The following ARL13B variants were observed in gnomAD, a reference collection of about 807,000 sequenced individuals.
The protein encoded by ARL13B is ARF like GTPase 13B.
In ARL13B, 36 loss-of-function variants were observed where a neutral mutation model predicts 56.1. That is an observed-to-expected ratio of 0.64 (90% CI 0.49 to 0.85). The LOEUF is 0.85. ARL13B is among the 40% of genes least tolerant of loss of function. The probability of loss-of-function intolerance (pLI) is 0.00; values close to 1 mark genes in which losing one functional copy is unlikely to be tolerated. For synonymous variants in ARL13B, 178 were observed against 171.1 expected, an observed-to-expected ratio of 1.04 and a Z score of -0.32; for missense variants, 519 against 507.1, an observed-to-expected ratio of 1.02 and a Z score of -0.23.
rs534364224 is a variant in ARL13B, at chr3:94,040,890, C to G, written c.798+902C>G. 2.4e-4 allele frequency among the ~76,000 whole-genome samples: 37 copies of G among 152,128 alleles called. No homozygotes were observed. In the South Asian group the frequency reaches 6.4e-3, roughly 26 times the overall value. On this transcript the variant is annotated intron_variant, in intron 6 of 9. Coordinates refer to ENST00000394222, the MANE Select transcript of ARL13B (RefSeq NM_001174150.2). ...CCATGGGTATAAATTGTGTAGAAGG[C>G]TCTAGTGCTTCTCCCAGCACCGTAT...
intron 2 of ARL13B, among the ~76,000 whole-genome samples, chr3:93,998,449 C>T (rs926385150): frequency 3.9e-5 from 6 of 152,096 alleles, no homozygotes; most frequent in African/African-American, 1.4e-4. Flanking sequence ...TCTTTTTGTC[C>T]TTCATCCCAT....
intron 7 of ARL13B, chr3:94,047,975 C>T (rs973865213): frequency 6.6e-5 from 10 of 151,224 alleles, no homozygotes; most frequent in African/African-American, 2.2e-4. Context: ...ACAGATAATT[C>T]CCATTTAGAA....
intron 3 of ARL13B, among the ~76,000 whole-genome samples, chr3:94,034,356 T>C (rs1304385601): frequency 2.1e-4 from 32 of 152,144 alleles, no homozygotes; most frequent in Admixed American, 2.0e-3. Flanking sequence ...CTAAAGAGTC[T>C]GTCAAACTTT....
Position 93,980,175 on chromosome 3 carries a change from C to T in ARL13B, c.-249C>T, listed in dbSNP as rs540190743. Reference sequence around the variant, plus strand: ...GCGGGGCTTTTCTTTAGCCGGGTCCCGCTAACTCGGCTACGGTGTATCTGC... The same window carrying T: ...GCGGGGCTTTTCTTTAGCCGGGTCCTGCTAACTCGGCTACGGTGTATCTGC... On this transcript the variant is annotated 5_prime_UTR_variant, in exon 1 of 10. Coordinates refer to ENST00000394222, the MANE Select transcript of ARL13B (RefSeq NM_001174150.2). 3.0e-6 allele frequency: 2 copies of T among 659,922 alleles called. No individual in the cohort carries two copies. The highest frequency in any genetic ancestry group is 1.8e-5 in the African/African-American group (1 of 56,000). 40.9% of individuals were successfully genotyped at this position (659,922 alleles called of 1,614,324 possible). A position where few individuals can be genotyped will look rare whatever the true frequency, so the allele number is the denominator to read the frequency against.
At chr3:94,029,330 A>ATTTT (rs1559997668) in intron 3 of ARL13B, among the ~76,000 whole-genome samples, 3 of 71,198 alleles carry the variant, frequency 4.2e-5, no homozygotes, top group African/African-American at 2.2e-4. Context: ...ATATATATAT[A>ATTTT]TATATTTATT....
At chr3:94,018,800 C>G (rs548105117) in intron 3 of ARL13B, among the ~76,000 whole-genome samples, 1 of 152,294 alleles carries the variant, frequency 6.6e-6, no homozygotes, top group Non-Finnish European at 1.5e-5. Flanking sequence ...GAGTCTCACT[C>G]TGTCCCCTAG....
intron 3 of ARL13B, among the ~76,000 whole-genome samples, chr3:94,005,741 T>C (rs564237520): frequency 7.5e-4 from 114 of 152,298 alleles, no homozygotes; most frequent in African/African-American, 2.7e-3. Context: ...AATTTTATTA[T>C]TAAAGGTAAA....
intron 9 of ARL13B, among the ~76,000 whole-genome samples, 163 bp downstream of exon 9, chr3:94,051,055 ATTC>A (rs1444053161): frequency 6.6e-6 from 1 of 151,926 alleles, no homozygotes; most frequent in African/African-American, 2.4e-5. Context: ...TTAATTTTTT[ATTC>A]TTAAGTATGC....
At chr3:94,014,521 A>G (rs2076286333) in intron 3 of ARL13B, 5 of 1,612,586 alleles carry the variant, frequency 3.1e-6, no homozygotes, top group African/African-American at 2.7e-5. Flanking sequence ...TGTCATTTCA[A>G]TATTGTTGAT....
intron 7 of ARL13B, chr3:94,048,059 T>A (rs1374949279): frequency 6.7e-6 from 1 of 149,504 alleles, no homozygotes; most frequent in Non-Finnish European, 1.5e-5. Context: ...AATATTGCAG[T>A]TACATTGGCT....
At chr3:94,036,033 A>G (rs1160702843) in intron 4 of ARL13B, among the ~76,000 whole-genome samples, 1 of 152,190 alleles carries the variant, frequency 6.6e-6, no homozygotes, top group Non-Finnish European at 1.5e-5. Flanking sequence ...TAATTCAGCC[A>G]CTGCACTCCA....
chr3:94,010,738 A>AT (rs574423128), intron 3 of ARL13B, among the ~76,000 whole-genome samples: 118 of 151,956 alleles, frequency 7.8e-4, no homozygotes, highest in African/African-American at 2.7e-3. Flanking sequence ...CTTTGTGATG[A>AT]TTTTTTTTGT....
chr3:94,000,619 A>ATGTG (rs546779411), intron 2 of ARL13B, among the ~76,000 whole-genome samples: 4 of 148,756 alleles, frequency 2.7e-5, no homozygotes, highest in South Asian at 4.2e-4. Flanking sequence ...TTATTTGTGT[A>ATGTG]TGTGTGTGTG....
chr3:94,039,355 C>A (rs955111381), intron 5 of ARL13B, among the ~76,000 whole-genome samples: 1 of 151,902 alleles, frequency 6.6e-6, no homozygotes, highest in Admixed American at 6.6e-5. Flanking sequence ...AAAAAATTAG[C>A]CAGGCCTGGT....
chr3:94,042,008 G>A (rs575457292), intron 6 of ARL13B, among the ~76,000 whole-genome samples: 114 of 152,268 alleles, frequency 7.5e-4, no homozygotes, highest in African/African-American at 2.7e-3. Context: ...AGTGAGCCGA[G>A]ATCGTGCCAC....
intron 1 of ARL13B, among the ~76,000 whole-genome samples, chr3:93,989,836 C>T (rs1249041382): frequency 6.6e-6 from 1 of 152,088 alleles, no homozygotes; most frequent in Non-Finnish European, 1.5e-5. Context: ...GTATAACATA[C>T]TGTAAATCTT....
intron 2 of ARL13B, among the ~76,000 whole-genome samples, chr3:93,998,553 T>A (rs1267938529): frequency 6.6e-6 from 1 of 152,176 alleles, no homozygotes; most frequent in Non-Finnish European, 1.5e-5. Flanking sequence ...TCTCTTTCCT[T>A]TATATTTTTG....
At position 93,997,703 on chromosome 3, in the gene ARL13B, G is replaced by T. The variant is rs141338305; in HGVS notation, c.130+1759G>T. On this transcript the variant is annotated intron_variant, in intron 2 of 9. Transcript: ENST00000394222. ...GCAGCCATAGACCATCTGCATACAT[G>T]CTGGGCACGGTGGCTCACACCTGTA... 1.2e-3 allele frequency among the ~76,000 whole-genome samples: 180 copies of T among 152,266 alleles called. 1 individual carries two copies. In the East Asian group the frequency reaches 0.03, roughly 25 times the overall value.
At chr3:94,007,580 A>G (rs1384055635) in intron 3 of ARL13B, among the ~76,000 whole-genome samples, 1 of 152,202 alleles carries the variant, frequency 6.6e-6, no homozygotes, top group Admixed American at 6.5e-5. Context: ...AGGAAGATGC[A>G]GAAGCAGAAA....
Sources: gnomAD v4.1 joint callset for allele counts (sites outside exome capture counted in the v4.1 genomes callset) on GRCh38, gnomAD v4.1.1 for gene constraint, MANE v1.5 for transcripts, NCBI Gene and HGNC (gene_info 2026-07-23, HGNC 2026-07-21) for gene names.